Variants in PRKN observed in about 807,000 individuals in gnomAD.
PRKN encodes E3 ubiquitin-protein ligase parkin.
In PRKN, 56 loss-of-function variants were observed where a neutral mutation model predicts 59.5. The observed-to-expected ratio is 0.94, with a 90% CI of 0.76 to 1.18. PRKN has a LOEUF of 1.18. Among genes scored for constraint, PRKN ranks in the 50% most tolerant of loss-of-function variants. The pLI, the probability that PRKN is intolerant of heterozygous loss-of-function variation, is 0.00. For synonymous variants in PRKN, 250 were observed against 222.1 expected (o/e 1.13, Z -1.12); for missense variants, 657 against 596.4 (o/e 1.10, Z -1.06).
At chr6:162,443,084 C>G (rs1403394220) in intron 2 of PRKN, among the ~76,000 whole-genome samples, 1 of 152,212 alleles carries the variant, frequency 6.6e-6, no homozygotes, top group East Asian at 1.9e-4. Flanking sequence ...TGTTCTTTCT[C>G]TCTCTCTTTC....
At position 162,687,812 on chromosome 6, in the gene PRKN, C is replaced by T. The variant is rs373083096; in HGVS notation, c.7+39850G>A. Among the ~76,000 whole-genome samples, 182 of 152,196 alleles carry T rather than the reference C, an allele frequency of 1.2e-3. 1 individual carries two copies. Among genetic ancestry groups the T allele is most frequent in the African/African-American group, 4.2e-3 (173 of 41,506 alleles). ...TGGCTTAACAAGGGTGTTGCCAGCC[C>T]ACAAATGCAATTTGATTCTCAGCAT... is the stretch of plus-strand genomic sequence containing the variant. On this transcript the variant is annotated intron_variant, in intron 1 of 11. Transcript: ENST00000366898.
At chr6:161,775,060 T>A (rs1245385141) in intron 7 of PRKN, among the ~76,000 whole-genome samples, 1 of 152,112 alleles carries the variant, frequency 6.6e-6, no homozygotes, top group Non-Finnish European at 1.5e-5. Context: ...GGACTGTCTG[T>A]TTCAGCGAGG....
chr6:162,618,337 A>G (rs1782514918), intron 1 of PRKN, among the ~76,000 whole-genome samples: 1 of 152,190 alleles, frequency 6.6e-6, no homozygotes, highest in East Asian at 1.9e-4. Flanking sequence ...AGAAATAAAC[A>G]ACTATTTTAA....
At chr6:162,312,209 C>A (rs867236133) in intron 2 of PRKN, among the ~76,000 whole-genome samples, 1 of 152,106 alleles carries the variant, frequency 6.6e-6, no homozygotes, top group Non-Finnish European at 1.5e-5. Flanking sequence ...ACCTTTATCC[C>A]ACCCCTCTGC....
rs1253317560 is a variant in PRKN, at chr6:161,549,820, A to G, written c.934-817T>C. Among the ~76,000 whole-genome samples, 1 of 152,228 alleles carries G rather than the reference A, an allele frequency of 6.6e-6. No individual in the cohort carries two copies. Among genetic ancestry groups the G allele is most frequent in the Non-Finnish European group, 1.5e-5 (1 of 68,044 alleles). On this transcript the variant is annotated intron_variant, in intron 8 of 11. Transcript: ENST00000366898. This position sits in a 1 kb window ranked among gnomAD's most constrained non-coding sequence, Gnocchi z 6.0. ...GCAACATTTATTGAGAGCCTACTAC[A>G]TTCCAGACTCTATCGAGGCGCTGGG...
chr6:161,620,723 G>A (rs9456689), intron 7 of PRKN, among the ~76,000 whole-genome samples: 7,691 of 152,230 alleles, frequency 0.051, 631 homozygotes, highest in African/African-American at 0.17. Context: ...GATCCAATGC[G>A]TGAATATTTG....
At chr6:162,187,486 C>A (rs1784078870) in intron 4 of PRKN, among the ~76,000 whole-genome samples, 1 of 152,132 alleles carries the variant, frequency 6.6e-6, no homozygotes, top group Non-Finnish European at 1.5e-5. Flanking sequence ...TGCAGGGGAG[C>A]AAGTTCAAGG....
chr6:161,721,235 G>A (rs763566725), intron 7 of PRKN, among the ~76,000 whole-genome samples: 3 of 152,198 alleles, frequency 2.0e-5, no homozygotes, highest in Non-Finnish European at 4.4e-5. Context: ...AAATAAAGCT[G>A]TCCCTTGAAA....
chr6:161,417,026 G>A lies in PRKN; in HGVS notation c.1084-30149C>T, dbSNP rs563070917. ...TCTGGAGGGAGATGGGGCCGAGGAAGGAGTAGGAGGTGTGGCTATGCTAGC... is the reference window on the plus strand; with the variant it reads ...TCTGGAGGGAGATGGGGCCGAGGAAAGAGTAGGAGGTGTGGCTATGCTAGC... On this transcript the variant is annotated intron_variant, in intron 9 of 11. Coordinates refer to ENST00000366898, the MANE Select transcript of PRKN (RefSeq NM_004562.3). This position sits in a 1 kb window ranked among gnomAD's most constrained non-coding sequence, Gnocchi z 5.4. 2.0e-5 allele frequency among the ~76,000 whole-genome samples: 3 copies of A among 152,316 alleles called. No homozygotes were observed. The highest frequency in any genetic ancestry group is 2.0e-4 in the Admixed American group (3 of 15,304).
chr6:162,622,636 T>A (rs935927977), intron 1 of PRKN, among the ~76,000 whole-genome samples: 1 of 152,192 alleles, frequency 6.6e-6, no homozygotes, highest in African/African-American at 2.4e-5. Flanking sequence ...GATTCTTGGA[T>A]CTGATAATCC....
chr6:161,944,389 C>T (rs565757529), intron 6 of PRKN, among the ~76,000 whole-genome samples: 14 of 152,278 alleles, frequency 9.2e-5, no homozygotes, highest in African/African-American at 2.4e-4. Context: ...CTGCAAGGCC[C>T]GGCACAGACC....
intron 1 of PRKN, among the ~76,000 whole-genome samples, chr6:162,472,301 C>T (rs943201497): frequency 4.7e-5 from 7 of 150,462 alleles, no homozygotes; most frequent in African/African-American, 1.5e-4. Flanking sequence ...GTGTGCTGCC[C>T]CCATTAACTC....
intron 5 of PRKN, among the ~76,000 whole-genome samples, chr6:162,043,832 T>C (rs761420672): frequency 6.6e-6 from 1 of 152,200 alleles, no homozygotes; most frequent in Non-Finnish European, 1.5e-5. Flanking sequence ...CTAGCGATTA[T>C]AGATAACAGA....
rs992063103 is a variant in PRKN, at chr6:162,390,425, A to C, written c.171+52885T>G. Among the ~76,000 whole-genome samples the C allele has an allele frequency of 2.8e-5, 4 of 141,576 alleles. No individual in the cohort carries two copies. In the South Asian group the frequency reaches 8.7e-4, roughly 31 times the overall value. The allele number at this position is 141,576 out of a possible 152,430, so 92.9% of individuals were successfully genotyped here. On this transcript the variant is annotated intron_variant, in intron 2 of 11. Transcript: ENST00000366898. ...CACACACACACACACACACACACAC[A>C]CACCTTATATATATATATATATTTG...
chr6:161,912,476 G>A (rs1386639751), intron 6 of PRKN, among the ~76,000 whole-genome samples: 1 of 151,750 alleles, frequency 6.6e-6, no homozygotes, highest in Non-Finnish European at 1.5e-5. Flanking sequence ...GAATGTGACG[G>A]ACGCTTCAGA....
chr6:161,840,573 T>C (rs1005536692), intron 6 of PRKN, among the ~76,000 whole-genome samples: 2 of 152,178 alleles, frequency 1.3e-5, no homozygotes, highest in Non-Finnish European at 2.9e-5. Flanking sequence ...ACGTGTCAGT[T>C]ATGATTTCTG....
intron 5 of PRKN, among the ~76,000 whole-genome samples, chr6:162,012,580 A>T (rs367797159): frequency 6.6e-6 from 1 of 152,110 alleles, no homozygotes; most frequent in African/African-American, 2.4e-5. Flanking sequence ...TTTACACAAT[A>T]CTTTTCTCAA....
intron 4 of PRKN, among the ~76,000 whole-genome samples, chr6:162,096,587 T>G (rs1212964959): frequency 1.3e-5 from 2 of 152,078 alleles, no homozygotes; most frequent in African/African-American, 4.8e-5. Flanking sequence ...TGGGGGTGGT[T>G]TATCCCACAC....
Position 161,538,726 on chromosome 6 carries a change from G to A in PRKN, c.1083+10128C>T, listed in dbSNP as rs1779511847. On this transcript the variant is annotated intron_variant, in intron 9 of 11. Coordinates refer to ENST00000366898, the MANE Select transcript of PRKN (RefSeq NM_004562.3). This position sits in a 1 kb window ranked among gnomAD's most constrained non-coding sequence, Gnocchi z 4.2. ...CTGTTGCAGATCCTTGGAGACCAGT[G>A]CCCATGGGACTGGCTGGTCTTTACC... Among the ~76,000 whole-genome samples, 1 of 152,180 alleles carries A rather than the reference G, an allele frequency of 6.6e-6. No homozygotes were observed. The highest frequency in any genetic ancestry group is 2.4e-5 in the African/African-American group (1 of 41,450).
Sources: gnomAD v4.1 joint callset for allele counts (sites outside exome capture counted in the v4.1 genomes callset) on GRCh38, gnomAD v4.1.1 for gene constraint, Gnocchi (gnomAD v3.1) non-coding constraint, MANE v1.5 for transcripts, NCBI Gene and HGNC (gene_info 2026-07-23, HGNC 2026-07-21) for gene names.